Variants in IFRD1 observed in about 807,000 individuals in gnomAD.
The protein encoded by IFRD1 is interferon-related developmental regulator 1.
Under a neutral mutation model 52.9 loss-of-function variants are expected in IFRD1, and 35 were observed. The observed-to-expected ratio is 0.66, with a 90% confidence interval of 0.51 to 0.88. The LOEUF (loss-of-function observed/expected upper bound fraction) is 0.88. IFRD1 is among the 40% of genes least tolerant of loss of function. The pLI is 0.00. For missense variants in IFRD1, 517 were observed against 550.8 expected (o/e 0.94, Z 0.61); for synonymous variants, 184 against 188.4 (o/e 0.98, Z 0.19).
chr7:112,459,029 G>A lies in IFRD1; in HGVS notation c.567+11G>A, dbSNP rs186073729. On this transcript the variant is annotated intron_variant, in intron 5 of 11. Transcript: ENST00000403825. ...CAGGCTAGGCAAACTGTAAGTATAAGATATTTACATTTATAGATCTGTCTA... is the reference window on the plus strand; with the variant it reads ...CAGGCTAGGCAAACTGTAAGTATAAAATATTTACATTTATAGATCTGTCTA... 1.2e-4 allele frequency: 188 copies of A among 1,602,118 alleles called. No homozygotes were observed. In the African/African-American group the frequency reaches 2.2e-3, roughly 19 times the overall value.
chr7:112,446,907 T>C (rs1795044147), upstream of IFRD1, among the ~76,000 whole-genome samples: 2 of 152,096 alleles, frequency 1.3e-5, no homozygotes, highest in South Asian at 2.1e-4. Context: ...GAGTTTGATA[T>C]GGCATTAGGA....
At chr7:112,424,843 T>C (rs545541517) in intron 1 of IFRD1, among the ~76,000 whole-genome samples, 22 of 152,240 alleles carry the variant, frequency 1.4e-4, no homozygotes, top group Non-Finnish European at 3.2e-4. Flanking sequence ...TTTCTAGTTT[T>C]ATTCCATTGT....
chr7:112,463,189 C>T (rs1254135435), intron 8 of IFRD1, among the ~76,000 whole-genome samples: 1 of 152,124 alleles, frequency 6.6e-6, no homozygotes, highest in African/African-American at 2.4e-5. Context: ...TGTCTTCACA[C>T]TGAATCTGTG....
chr7:112,459,706 C>T (rs1197498518), intron 5 of IFRD1, among the ~76,000 whole-genome samples: 1 of 152,134 alleles, frequency 6.6e-6, no homozygotes, highest in Non-Finnish European at 1.5e-5. Context: ...ATCATCACCA[C>T]CCAATGTAAA....
At chr7:112,472,392 A>G in intron 10 of IFRD1, 45 bp downstream of exon 10, 1 of 1,604,874 alleles carries the variant, frequency 6.2e-7, no homozygotes, top group Non-Finnish European at 8.5e-7. Context: ...AGTAGGGAGC[A>G]GTCTTGAATA....
At chr7:112,449,185 C>A (rs1425478400), upstream of IFRD1, among the ~76,000 whole-genome samples, 1 of 151,766 alleles carries the variant, frequency 6.6e-6, no homozygotes, top group Non-Finnish European at 1.5e-5. Flanking sequence ...AATGCCCAGG[C>A]ATGAACTGAG....
Position 112,475,588 on chromosome 7 carries a change from G to T in IFRD1, c.*69G>T. 1 of 944,240 alleles carries T rather than the reference G, an allele frequency of 1.1e-6. No homozygotes were observed. 58.5% of individuals were successfully genotyped at this position (944,240 alleles called of 1,614,324 possible). On this transcript the variant is annotated 3_prime_UTR_variant, in exon 12 of 12. Transcript: ENST00000403825. The stretch of plus-strand genomic sequence containing the variant: ...TCTATTTCAATGTATTTAAACTCTA[G>T]ACACAGTTTTTATCCTGGATTAACT...
At chr7:112,433,050 T>A (rs1794580748) in intron 1 of IFRD1, among the ~76,000 whole-genome samples, 1 of 148,568 alleles carries the variant, frequency 6.7e-6, no homozygotes, top group Non-Finnish European at 1.5e-5. Flanking sequence ...ATTTCAGAGA[T>A]ATTAAATGGT....
At chr7:112,470,388 G>A (rs1297498865) in intron 9 of IFRD1, among the ~76,000 whole-genome samples, 1 of 152,188 alleles carries the variant, frequency 6.6e-6, no homozygotes, top group East Asian at 1.9e-4. Flanking sequence ...TATAAGAGCA[G>A]CTTCAGTGGA....
upstream of IFRD1, among the ~76,000 whole-genome samples, chr7:112,445,530 G>C (rs568134413): frequency 1.3e-5 from 2 of 152,332 alleles, no homozygotes; most frequent in South Asian, 4.1e-4. Context: ...AAACAGTCTA[G>C]AACAGTGGCA....
intron 1 of IFRD1, among the ~76,000 whole-genome samples, chr7:112,432,489 T>C (rs1248497701): frequency 6.6e-6 from 1 of 152,252 alleles, no homozygotes; most frequent in Admixed American, 6.5e-5. Flanking sequence ...TGAAAAATAC[T>C]GATAATCAGT....
In IFRD1 at chr7:112,462,100, C is replaced by G; in HGVS notation, c.718C>G (p.Leu240Val). 6.2e-7 allele frequency: 1 copy of G among 1,613,450 alleles called. No homozygotes were observed. The highest frequency in any genetic ancestry group is 8.5e-7 in the Non-Finnish European group (1 of 1,179,580). ...TATTTGCAGCACTCCTAATACAGTG[C>G]TTCATATCAGCTCTCTTCTTGCATG... ...TVICSTPNTV[L>V]HISSLLAWTL... Residue 240 changes from leucine (L) to valine (V), a missense_variant, in exon 7 of 12, where the codon CTT (leucine) becomes GTT (valine). Leu to Val is a conservative substitution (Grantham distance 32). Coordinates refer to ENST00000403825, the MANE Select transcript of IFRD1 (RefSeq NM_001550.4).
rs73717557 is a variant in IFRD1, at chr7:112,457,244, G to C, written c.409+206G>C. 9.6e-4 allele frequency: 592 copies of C among 613,622 alleles called. 1 individual carries two copies. Among genetic ancestry groups the C allele is most frequent in the African/African-American group, 9.4e-3 (511 of 54,172 alleles). The allele number at this position is 613,622 out of a possible 1,614,324, so 38.0% of individuals were successfully genotyped here. A position where few individuals can be genotyped will look rare whatever the true frequency, so the allele number is the denominator to read the frequency against. ...TACGTAAACCAAAAAAAAATAGCTTGAAACTAAGAAGGATTAGGGTAGATT... is the reference window on the plus strand; with the variant it reads ...TACGTAAACCAAAAAAAAATAGCTTCAAACTAAGAAGGATTAGGGTAGATT... On this transcript the variant is annotated intron_variant, in intron 4 of 11. Coordinates refer to ENST00000403825, the MANE Select transcript of IFRD1 (RefSeq NM_001550.4).
At chr7:112,454,390 G>A (rs1002352147) in intron 1 of IFRD1, among the ~76,000 whole-genome samples, 1 of 151,934 alleles carries the variant, frequency 6.6e-6, no homozygotes, top group South Asian at 2.1e-4. Context: ...ACTGGGTTTC[G>A]CCATGTTGGC....
rs78411609 is a variant in IFRD1 at position 112,428,152 on chromosome 7, A to G, written c.-182+4720A>G. 3.9e-4 allele frequency among the ~76,000 whole-genome samples: 60 copies of G among 152,370 alleles called. No homozygotes were observed. The East Asian group carries it at 0.011, about 28-fold the overall frequency. ...AAAAACTTTCAAGGCATTTGCCAGA[A>G]ATGCAGTATTGTGCTGACATGTGAG... On this transcript the variant is annotated intron_variant, in intron 1 of 12. Coordinates refer to the IFRD1 transcript ENST00000005558.
intron 1 of IFRD1, among the ~76,000 whole-genome samples, chr7:112,436,223 T>C (rs1794687093): frequency 1.3e-5 from 2 of 152,182 alleles, no homozygotes; most frequent in South Asian, 4.1e-4. Flanking sequence ...CAAATAATGT[T>C]GACTGATTAA....
chr7:112,457,243 T>A (rs1795318616), intron 4 of IFRD1: 1 of 615,062 alleles, frequency 1.6e-6, no homozygotes, highest in Admixed American at 2.8e-5. Context: ...AAAAATAGCT[T>A]GAAACTAAGA....
chr7:112,436,148 C>T (rs915660343), intron 1 of IFRD1, among the ~76,000 whole-genome samples: 2 of 152,146 alleles, frequency 1.3e-5, no homozygotes, highest in South Asian at 2.1e-4. Context: ...TCCCAAAGTG[C>T]TAGGATTACA....
chr7:112,461,705 T>C, intron 5 of IFRD1, 161 bp from the exon 6 acceptor site: 1 of 429,284 alleles, frequency 2.3e-6, no homozygotes. Context: ...TGATCTTAGT[T>C]CAATATTCTT....
Sources: allele counts gnomAD v4.1 joint callset (sites outside exome capture counted in the v4.1 genomes callset), GRCh38; gene constraint gnomAD v4.1.1; transcripts MANE v1.5; gene names NCBI Gene and HGNC (gene_info 2026-07-23, HGNC 2026-07-21).